SCD5: variants seen among roughly 807,000 people sequenced by gnomAD.
The protein encoded by SCD5 is acyl-CoA-desaturase 4.
SCD5 carries 20 observed loss-of-function variants against 30.4 expected under a neutral mutation model. The ratio of observed to expected loss-of-function variants is 0.66; its 90% CI spans 0.46 to 0.96. The LOEUF is 0.96. SCD5 is among the 40% of genes least tolerant of loss of function. The probability of loss-of-function intolerance (pLI) is 0.00; values close to 1 mark genes in which losing one functional copy is unlikely to be tolerated. For missense variants in SCD5, 381 were observed against 443.3 expected (o/e 0.86, Z 1.26); for synonymous variants, 173 against 176.4 (o/e 0.98, Z 0.16).
intron 2 of SCD5, among the ~76,000 whole-genome samples, chr4:82,684,783 T>C (rs1230273816): frequency 6.6e-6 from 1 of 152,194 alleles, no homozygotes; most frequent in East Asian, 1.9e-4. Flanking sequence ...ATGGTGCTGA[T>C]AGCTCTTGTC....
chr4:82,737,728 T>C (rs910479130), intron 1 of SCD5, among the ~76,000 whole-genome samples: 1 of 152,230 alleles, frequency 6.6e-6, no homozygotes. Flanking sequence ...TGATTTATAT[T>C]GTGCCTTTCT....
At chr4:82,773,075 C>T (rs1209858693) in intron 1 of SCD5, among the ~76,000 whole-genome samples, 1 of 152,100 alleles carries the variant, frequency 6.6e-6, no homozygotes, top group Admixed American at 6.5e-5. Flanking sequence ...CCTGATCCTG[C>T]AGGCCCTGGC....
intron 1 of SCD5, among the ~76,000 whole-genome samples, chr4:82,727,207 G>C (rs1231717583): frequency 6.6e-6 from 1 of 152,216 alleles, no homozygotes; most frequent in African/African-American, 2.4e-5. Context: ...GGATTCGGGT[G>C]TAACAATGAT....
chr4:82,636,649 C>T lies in SCD5; in HGVS notation c.744G>A (p.Arg248=). The T allele has an allele frequency of 1.9e-6, 3 of 1,614,192 alleles. No individual in the cohort carries two copies. Among genetic ancestry groups the T allele is most frequent in the Non-Finnish European group, 2.5e-6 (3 of 1,180,038 alleles). Residue 248 remains arginine, a synonymous_variant, in exon 4 of 5, where the codon CGG becomes CGA. Coordinates refer to ENST00000319540, the MANE Select transcript of SCD5 (RefSeq NM_001037582.3). ...VNSAAHMYGN[R]PYDKHISPRQ... ...GAGGGCTGATGTGCTTGTCATAGGG[C>T]CGGTTTCCATACATGTGGGCGGCGC...
chr4:82,631,117 A>AAAAC lies in SCD5; in HGVS notation c.*206_*209dup, dbSNP rs1170612438. On this transcript the variant is annotated 3_prime_UTR_variant, in exon 5 of 5. Coordinates refer to ENST00000319540, the MANE Select transcript of SCD5 (RefSeq NM_001037582.3). ...CAGAGTGAGACTCTGTCTCAAAAAC[A>AAAAC]AAACAAACAAAAAAAAAAACGAAAG... 1 of 485,446 alleles carries AAAAC rather than the reference A, an allele frequency of 2.1e-6. No individual in the cohort carries two copies. Among genetic ancestry groups the AAAAC allele is most frequent in the Non-Finnish European group, 3.6e-6 (1 of 281,214 alleles). The allele number at this position is 485,446 out of a possible 1,614,324, so 30.1% of individuals were successfully genotyped here. A position where few individuals can be genotyped will look rare whatever the true frequency, so the allele number is the denominator to read the frequency against.
chr4:82,705,511 G>C, intron 1 of SCD5, 98 bp from the exon 2 acceptor site: 1 of 1,482,538 alleles, frequency 6.7e-7, no homozygotes, highest in Non-Finnish European at 9.1e-7. Context: ...ACGTGAAATG[G>C]TGTCAGGGGG....
intron 1 of SCD5, among the ~76,000 whole-genome samples, chr4:82,749,446 T>C (rs868270146): frequency 6.6e-6 from 1 of 152,226 alleles, no homozygotes; most frequent in African/African-American, 2.4e-5. Context: ...ATTTCTCCAA[T>C]GTTTTTAGAT....
chr4:82,706,585 A>C (rs1231883450), intron 1 of SCD5, among the ~76,000 whole-genome samples: 1 of 152,260 alleles, frequency 6.6e-6, no homozygotes, highest in African/African-American at 2.4e-5. Context: ...CTGTCTTCCC[A>C]GACATGAGAA....
intron 1 of SCD5, among the ~76,000 whole-genome samples, chr4:82,719,414 A>G (rs1433018535): frequency 6.6e-6 from 1 of 151,904 alleles, no homozygotes; most frequent in African/African-American, 2.4e-5. Context: ...TTCTTCAAAA[A>G]GATAAAAAGA....
intron 3 of SCD5, among the ~76,000 whole-genome samples, chr4:82,656,633 G>C (rs1428474356): frequency 6.6e-6 from 1 of 152,124 alleles, no homozygotes; most frequent in South Asian, 2.1e-4. Flanking sequence ...GGATTGCTGG[G>C]CCAAATGGTA....
At chr4:82,674,996 C>A (rs1035570851) in intron 3 of SCD5, among the ~76,000 whole-genome samples, 3 of 152,118 alleles carry the variant, frequency 2.0e-5, no homozygotes, top group Non-Finnish European at 4.4e-5. Flanking sequence ...AGACAGAGAA[C>A]AGAGGATTTT....
chr4:82,743,188 A>C (rs1720912996), intron 1 of SCD5, among the ~76,000 whole-genome samples: 1 of 152,172 alleles, frequency 6.6e-6, no homozygotes, highest in Admixed American at 6.5e-5. Flanking sequence ...CTTGTAACTT[A>C]GAGTGACAGG....
rs184147827 is a variant in SCD5, at chr4:82,783,734, C to T, written c.232+14572G>A. On this transcript the variant is annotated intron_variant, in intron 1 of 4. Transcript: ENST00000319540. ...AGGAGAATCGCTTGAACCTAGGAGG[C>T]GGAGGTTGCAGTGAGCCGAGATCGC... Among the ~76,000 whole-genome samples, 722 of 149,488 alleles carry T rather than the reference C, an allele frequency of 4.8e-3. 5 individuals are homozygous for T. Among genetic ancestry groups the T allele is most frequent in the Admixed American group, 6.8e-3 (101 of 14,870 alleles).
At chr4:82,754,050 G>A (rs903203538) in intron 1 of SCD5, among the ~76,000 whole-genome samples, 16 of 152,074 alleles carry the variant, frequency 1.1e-4, no homozygotes, top group East Asian at 7.7e-4. Flanking sequence ...GCACAGACTC[G>A]CCCGAAAAAT....
At chr4:82,777,849 T>C (rs1356622964) in intron 1 of SCD5, among the ~76,000 whole-genome samples, 1 of 152,038 alleles carries the variant, frequency 6.6e-6, no homozygotes, top group African/African-American at 2.4e-5. Context: ...AACTAAGCAA[T>C]AAAGTCTCTT....
At chr4:82,676,186 G>C (rs1265232773) in intron 3 of SCD5, among the ~76,000 whole-genome samples, 1 of 152,182 alleles carries the variant, frequency 6.6e-6, no homozygotes. Flanking sequence ...GTCCCCTGCT[G>C]AGGATGGTAG....
intron 2 of SCD5, among the ~76,000 whole-genome samples, chr4:82,699,904 C>A (rs1364437995): frequency 6.6e-6 from 1 of 151,810 alleles, no homozygotes; most frequent in Non-Finnish European, 1.5e-5. Flanking sequence ...TCGTAATCCG[C>A]CTGCCTCGGC....
At chr4:82,729,197 G>T (rs972408488) in intron 1 of SCD5, among the ~76,000 whole-genome samples, 1 of 152,176 alleles carries the variant, frequency 6.6e-6, no homozygotes, top group East Asian at 1.9e-4. Context: ...AGGGTTTGTG[G>T]TAAACTACAA....
At chr4:82,645,839 T>TG (rs1560522822) in intron 3 of SCD5, among the ~76,000 whole-genome samples, 1 of 152,258 alleles carries the variant, frequency 6.6e-6, no homozygotes, top group African/African-American at 2.4e-5. Context: ...AGAAAGGATT[T>TG]GGGATTTCTT....
Sources: allele counts gnomAD v4.1 joint callset (sites outside exome capture counted in the v4.1 genomes callset), GRCh38; gene constraint gnomAD v4.1.1; transcripts MANE v1.5; gene names NCBI Gene and HGNC (gene_info 2026-07-23, HGNC 2026-07-21).